AZI2: variants seen among roughly 807,000 people sequenced by gnomAD.
The protein encoded by AZI2 is 5-azacytidine-induced protein 2.
A neutral mutation model predicts 45.8 loss-of-function variants in AZI2; 22 were observed. The observed-to-expected ratio is 0.48, with a 90% confidence interval of 0.34 to 0.69. The LOEUF (loss-of-function observed/expected upper bound fraction) is 0.69, where lower values mean the gene tolerates loss of function less well. AZI2 is among the 30% of genes least tolerant of loss of function. AZI2 has a pLI of 0.01. For missense variants in AZI2, 417 were observed against 441.5 expected (o/e 0.94, Z 0.50); for synonymous variants, 137 against 156.7 (o/e 0.87, Z 0.94).
Position 28,324,402 on chromosome 3 carries a change from C to T in AZI2, c.819G>A (p.Leu273=). 6.5e-7 allele frequency: 1 copy of T among 1,546,220 alleles called. No homozygotes were observed. The highest frequency in any genetic ancestry group is 8.7e-7 in the Non-Finnish European group (1 of 1,145,764). ...ATGTTGCAGTAAAATTCATCAAGTG[C>T]AGTTTTGTGCTGTCTCTTCCAAGGT... is the stretch of plus-strand genomic sequence containing the variant. ...SEDLGRDSTK[L]HLMNFTATYT... The change falls in exon 8 of 8, where the codon CTG becomes CTA. Residue 273 remains leucine, a synonymous_variant. Transcript: ENST00000479665.
chr3:28,336,451 AAG>A (rs1703792515), intron 5 of AZI2, among the ~76,000 whole-genome samples: 2 of 152,074 alleles, frequency 1.3e-5, no homozygotes, highest in Admixed American at 6.6e-5. Flanking sequence ...AATTGAAGGA[AAG>A]AGAGTCTGAA....
intron 3 of AZI2, 30 bp downstream of exon 3, chr3:28,338,463 G>A: frequency 1.3e-6 from 2 of 1,497,902 alleles, no homozygotes; most frequent in South Asian, 1.4e-5. Context: ...TTTCCAAAAT[G>A]CAGATGTCAT....
intron 6 of AZI2, among the ~76,000 whole-genome samples, chr3:28,328,019 G>C (rs1349870005): frequency 6.7e-6 from 1 of 149,696 alleles, no homozygotes; most frequent in African/African-American, 2.4e-5. Context: ...ACAGAATATA[G>C]TTTATATTTA....
At chr3:28,333,282 A>T (rs1340451487) in intron 5 of AZI2, among the ~76,000 whole-genome samples, 2 of 151,748 alleles carry the variant, frequency 1.3e-5, no homozygotes, top group East Asian at 3.9e-4. Context: ...AAAAATACCT[A>T]ATCTTATAGG....
Position 28,337,214 on chromosome 3 carries a change from T to A in AZI2, c.440-329A>T, listed in dbSNP as rs980352112. The A allele has an allele frequency of 5.8e-5, 12 of 206,958 alleles. No individual in the cohort carries two copies. In the East Asian group the frequency reaches 1.3e-3, roughly 23 times the overall value. The allele number at this position is 206,958 out of a possible 1,614,324, so 12.8% of individuals were successfully genotyped here. The stretch of plus-strand genomic sequence containing the variant: ...GAATAAACTGAGGCTCAGCTAATCA[T>A]TCCATCCAGTCCTCTCAGAGGTATG... On this transcript the variant is annotated intron_variant, in intron 4 of 7. Transcript: ENST00000479665.
chr3:28,332,005 T>A (rs1339986637), intron 6 of AZI2: 6 of 1,104,092 alleles, frequency 5.4e-6, no homozygotes, highest in Non-Finnish European at 7.9e-6. Flanking sequence ...TCCCAAAGAC[T>A]AACAATGGCC....
At chr3:28,342,711 GCACACA>G (rs71087691) in intron 1 of AZI2, among the ~76,000 whole-genome samples, 15,662 of 147,458 alleles carry the variant, frequency 0.11, 1,328 homozygotes, top group East Asian at 0.45. Context: ...TCTTACACAT[GCACACA>G]CACACACACA....
intron 4 of AZI2, among the ~76,000 whole-genome samples, chr3:28,337,575 G>GT (rs923000933): frequency 6.6e-6 from 1 of 152,166 alleles, no homozygotes; most frequent in African/African-American, 2.4e-5. Context: ...CTTCACAGCA[G>GT]TGTGTTTAAC....
intron 1 of AZI2, among the ~76,000 whole-genome samples, chr3:28,343,496 C>G (rs1344993138): frequency 1.3e-5 from 2 of 151,348 alleles, no homozygotes; most frequent in South Asian, 2.1e-4. Context: ...AAAACACAGG[C>G]CTGGACATGA....
intron 5 of AZI2, among the ~76,000 whole-genome samples, chr3:28,335,838 T>C (rs545347186): frequency 2.6e-5 from 4 of 152,036 alleles, no homozygotes; most frequent in African/African-American, 9.7e-5. Context: ...TCAATAGTGT[T>C]AGAATGCTTT....
intron 1 of AZI2, among the ~76,000 whole-genome samples, chr3:28,347,585 C>T (rs1272165912): frequency 6.6e-6 from 1 of 152,154 alleles, no homozygotes; most frequent in East Asian, 1.9e-4. Context: ...AGCCTCTTAC[C>T]CATTGTCAAG....
chr3:28,329,836 A>T (rs1440176461), intron 6 of AZI2, among the ~76,000 whole-genome samples: 1 of 151,172 alleles, frequency 6.6e-6, no homozygotes, highest in African/African-American at 2.4e-5. Context: ...TTACACTGCA[A>T]CCCAAAGAAA....
At chr3:28,329,142 G>C (rs1391266376) in intron 6 of AZI2, among the ~76,000 whole-genome samples, 1 of 151,142 alleles carries the variant, frequency 6.6e-6, no homozygotes, top group African/African-American at 2.4e-5. Flanking sequence ...TCTCAAATGA[G>C]AACTCTAAAA....
At chr3:28,338,456 C>T in intron 3 of AZI2, 37 bp downstream of exon 3, 2 of 1,482,526 alleles carry the variant, frequency 1.3e-6, no homozygotes, top group Non-Finnish European at 1.8e-6. Flanking sequence ...AAATTCATTT[C>T]CAAAATGCAG....
At chr3:28,326,706 C>T (rs576378826) in intron 7 of AZI2, 126 bp downstream of exon 7, 25 of 789,746 alleles carry the variant, frequency 3.2e-5, no homozygotes, top group Non-Finnish European at 5.2e-5. Context: ...GGGTAGGCTG[C>T]GAATGTACTA....
intron 1 of AZI2, among the ~76,000 whole-genome samples, chr3:28,346,040 C>T (rs971609584): frequency 6.6e-6 from 1 of 152,100 alleles, no homozygotes; most frequent in Non-Finnish European, 1.5e-5. Context: ...TTACCTATAG[C>T]TACACAGCTA....
intron 5 of AZI2, among the ~76,000 whole-genome samples, chr3:28,333,417 A>C (rs1317790392): frequency 6.6e-6 from 1 of 151,686 alleles, no homozygotes; most frequent in Non-Finnish European, 1.5e-5. Flanking sequence ...CTAACGAGAC[A>C]CATGTCCTTG....
intron 4 of AZI2, 95 bp downstream of exon 4, chr3:28,337,842 T>G: frequency 1.5e-6 from 1 of 666,282 alleles, no homozygotes; most frequent in Non-Finnish European, 2.3e-6. Flanking sequence ...TAAGTTAAGG[T>G]CTTAGCATAT....
In AZI2 at chr3:28,323,694, T is replaced by G. The variant is rs1297081830; in HGVS notation, c.*348A>C. 5.8e-6 allele frequency: 1 copy of G among 172,862 alleles called. No individual in the cohort carries two copies. The highest frequency in any genetic ancestry group is 1.5e-4 in the East Asian group (1 of 6,456). The allele number at this position is 172,862 out of a possible 1,614,324, so 10.7% of individuals were successfully genotyped here. A position where few individuals can be genotyped will look rare whatever the true frequency, so the allele number is the denominator to read the frequency against. On this transcript the variant is annotated 3_prime_UTR_variant, in exon 8 of 8. Transcript: ENST00000479665. ...TTTTTATGAACAGATATTTAGACAT[T>G]TCACATTTTGTAAAACCACGTCTAC...
Sources: allele counts gnomAD v4.1 joint callset (sites outside exome capture counted in the v4.1 genomes callset), GRCh38; gene constraint gnomAD v4.1.1; transcripts MANE v1.5; gene names NCBI Gene and HGNC (gene_info 2026-07-23, HGNC 2026-07-21).